NGEF: variants seen among roughly 807,000 people sequenced by gnomAD.
NGEF encodes the protein ephexin-1.
A neutral mutation model predicts 80.9 loss-of-function variants in NGEF; 31 were observed. The ratio of observed to expected loss-of-function variants is 0.38; its 90% confidence interval spans 0.29 to 0.52. The LOEUF is 0.52. Among genes scored for constraint, NGEF ranks in the 20% least tolerant of loss-of-function variants. The pLI is 0.84. For synonymous variants in NGEF, 371 were observed against 370.2 expected (o/e 1.00, Z -0.03); for missense variants, 709 against 926.2 (o/e 0.77, Z 3.04).
intron 1 of NGEF, among the ~76,000 whole-genome samples, chr2:232,987,070 G>A (rs1694547200): frequency 6.6e-6 from 1 of 152,080 alleles, no homozygotes. Flanking sequence ...AGGCTGGAGT[G>A]CAGTGGCATG....
At chr2:232,922,863 A>C (rs1692973655) in intron 4 of NGEF, among the ~76,000 whole-genome samples, 1 of 152,136 alleles carries the variant, frequency 6.6e-6, no homozygotes, top group Non-Finnish European at 1.5e-5. Context: ...TGAGGTCAGG[A>C]GTTCGAGACC....
At chr2:232,982,380 T>C (rs186399365) in intron 1 of NGEF, among the ~76,000 whole-genome samples, 3 of 152,240 alleles carry the variant, frequency 2.0e-5, no homozygotes, top group African/African-American at 4.8e-5. Flanking sequence ...ATGGGGCTTA[T>C]TGAGGCAAAA....
At chr2:232,943,722 C>A (rs1477784125) in intron 3 of NGEF, among the ~76,000 whole-genome samples, 4 of 150,478 alleles carry the variant, frequency 2.7e-5, no homozygotes, top group African/African-American at 9.8e-5. Flanking sequence ...GTCTCAATCT[C>A]CTGACCTCGT....
chr2:232,993,810 G>A lies in NGEF; in HGVS notation c.-74-18846C>T, dbSNP rs12616369. Reference sequence around the variant, plus strand: ...ACATTTTGCTAAGTGAAAGAAGCCAGTCAGGGAGGACCACATATTGTATGA... The same window carrying A: ...ACATTTTGCTAAGTGAAAGAAGCCAATCAGGGAGGACCACATATTGTATGA... On this transcript the variant is annotated intron_variant, in intron 1 of 14. Coordinates refer to ENST00000264051, the MANE Select transcript of NGEF (RefSeq NM_019850.3). Among the ~76,000 whole-genome samples the A allele has an allele frequency of 2.8e-4, 42 of 152,308 alleles. No homozygotes were observed. The East Asian group carries it at 7.1e-3, about 26-fold the overall frequency.
intron 3 of NGEF, chr2:232,969,937 GGA>G (rs1161766103): frequency 2.0e-5 from 4 of 199,286 alleles, no homozygotes; most frequent in Non-Finnish European, 4.0e-5. Flanking sequence ...GGCTGAGGCT[GGA>G]GAATCGTTAG....
At chr2:232,900,754 ACT>A (rs1375572888) in intron 5 of NGEF, among the ~76,000 whole-genome samples, 2 of 70,728 alleles carry the variant, frequency 2.8e-5, no homozygotes, top group Non-Finnish European at 5.1e-5. Context: ...ACTCACATTC[ACT>A]CACACACACA....
chr2:232,905,150 G>C (rs990722353), intron 5 of NGEF, among the ~76,000 whole-genome samples: 1 of 151,606 alleles, frequency 6.6e-6, no homozygotes, highest in East Asian at 1.9e-4. Flanking sequence ...CTCTCATGCC[G>C]AGCCAAAGCT....
chr2:232,884,153 G>T lies in NGEF; in HGVS notation c.1438-9C>A. 1 of 1,585,074 alleles carries T rather than the reference G, an allele frequency of 6.3e-7. No homozygotes were observed. Among genetic ancestry groups the T allele is most frequent in the South Asian group, 1.1e-5 (1 of 87,924 alleles). On this transcript the variant is annotated splice_polypyrimidine_tract_variant and intron_variant, in intron 10 of 14. Transcript: ENST00000264051. ...GAGATGATGGGCACCGACTGCAGCG[G>T]GGAAAGGGCATCAGGCAGGCTGTGC... is the stretch of plus-strand genomic sequence containing the variant.
chr2:232,968,879 TTC>T (rs1694122261), intron 3 of NGEF, among the ~76,000 whole-genome samples: 1 of 152,136 alleles, frequency 6.6e-6, no homozygotes, highest in Non-Finnish European at 1.5e-5. Flanking sequence ...TGGCTGGCTT[TTC>T]TCTTTCCCTC....
At chr2:232,942,656 C>A (rs1057456003) in intron 3 of NGEF, among the ~76,000 whole-genome samples, 2 of 152,126 alleles carry the variant, frequency 1.3e-5, no homozygotes, top group Non-Finnish European at 2.9e-5. Flanking sequence ...GTGGGTGGAT[C>A]ACGAGGCCAG....
At chr2:232,982,894 A>G (rs893733849) in intron 1 of NGEF, among the ~76,000 whole-genome samples, 1 of 152,166 alleles carries the variant, frequency 6.6e-6, no homozygotes, top group Non-Finnish European at 1.5e-5. Context: ...GACACAGATG[A>G]AGTTTCTGGC....
At chr2:232,918,002 G>A (rs188793463) in intron 5 of NGEF, among the ~76,000 whole-genome samples, 194 of 152,154 alleles carry the variant, frequency 1.3e-3, no homozygotes, top group African/African-American at 4.6e-3. Flanking sequence ...GGCCCAGGCT[G>A]GGGTGCAGTT....
At position 232,883,052 on chromosome 2, in the gene NGEF, AACACACACACACACAC is replaced by A. The variant is rs57854484; in HGVS notation, c.1757+243_1757+258del. Among the ~76,000 whole-genome samples the A allele has an allele frequency of 6.0e-3, 903 of 150,376 alleles. 5 individuals carry two copies. Among genetic ancestry groups the A allele is most frequent in the Non-Finnish European group, 9.9e-3 (667 of 67,452 alleles). ...CGCCCAGAGTCTGAAGCCCCAAGGGAACACACACACACACACACACACACACACACGCACACACGCA... is the reference window on the plus strand; with the variant it reads ...CGCCCAGAGTCTGAAGCCCCAAGGGAACACACACACACACGCACACACGCA... On this transcript the variant is annotated intron_variant, in intron 12 of 14. Transcript: ENST00000264051.
At chr2:232,977,589 G>A (rs1694322707) in intron 1 of NGEF, among the ~76,000 whole-genome samples, 1 of 152,224 alleles carries the variant, frequency 6.6e-6, no homozygotes, top group South Asian at 2.1e-4. Context: ...TTTCAGTGAA[G>A]AGCTGGACCT....
At chr2:232,901,936 C>T (rs187255375) in intron 5 of NGEF, among the ~76,000 whole-genome samples, 2 of 152,362 alleles carry the variant, frequency 1.3e-5, no homozygotes, top group East Asian at 3.9e-4. Context: ...GCCACCTGGG[C>T]CGCTGAAGAC....
intron 12 of NGEF, among the ~76,000 whole-genome samples, chr2:232,882,607 A>G (rs1456144079): frequency 1.3e-5 from 2 of 152,236 alleles, no homozygotes; most frequent in African/African-American, 4.8e-5. Context: ...CCAAAGCCAC[A>G]GTTTCTCATC....
At chr2:232,961,202 C>T (rs1167302648) in intron 3 of NGEF, among the ~76,000 whole-genome samples, 1 of 152,172 alleles carries the variant, frequency 6.6e-6, no homozygotes, top group African/African-American at 2.4e-5. Flanking sequence ...CTTCTGAAGG[C>T]TCTAAATCAT....
In NGEF at chr2:232,879,459, C is replaced by A; in HGVS notation, c.*30G>T. The A allele has an allele frequency of 6.9e-7, 1 of 1,452,336 alleles. No homozygotes were observed. The highest frequency in any genetic ancestry group is 9.5e-7 in the Non-Finnish European group (1 of 1,052,824). 90.0% of individuals were successfully genotyped at this position (1,452,336 alleles called of 1,614,324 possible). ...ACCTTCTGTCGGGGTCTCATGCAGG[C>A]CCTGCTCCCGCTGGCCCCCTGGGTG... On this transcript the variant is annotated 3_prime_UTR_variant, in exon 15 of 15. Transcript: ENST00000264051.
chr2:232,965,592 T>C (rs969715840), intron 3 of NGEF, among the ~76,000 whole-genome samples: 1 of 152,186 alleles, frequency 6.6e-6, no homozygotes, highest in Admixed American at 6.5e-5. Flanking sequence ...GGCTCACCCA[T>C]GGTCAATGTA....
Sources: allele counts gnomAD v4.1 joint callset (sites outside exome capture counted in the v4.1 genomes callset), GRCh38; gene constraint gnomAD v4.1.1; transcripts MANE v1.5; gene names NCBI Gene and HGNC (gene_info 2026-07-23, HGNC 2026-07-21).